The following SYT6 variants were observed in gnomAD, a reference collection of about 807,000 sequenced individuals.
The protein encoded by SYT6 is synaptotagmin-6.
SYT6 carries 24 observed loss-of-function variants against 38.4 expected under a neutral mutation model. The ratio of observed to expected loss-of-function variants is 0.62; its 90% confidence interval spans 0.45 to 0.88. SYT6 has a LOEUF of 0.88. Ranked by LOEUF, SYT6 falls within the 40% of genes least tolerant of loss-of-function variation. The pLI, the probability that SYT6 is intolerant of heterozygous loss-of-function variation, is 0.00. For missense variants in SYT6, 611 were observed against 621.0 expected (o/e 0.98, Z 0.17); for synonymous variants, 265 against 241.9 (o/e 1.10, Z -0.89).
intron 3 of SYT6, among the ~76,000 whole-genome samples, chr1:114,122,283 C>T (rs12027327): frequency 0.45 from 68,494 of 152,052 alleles, 15,664 homozygotes; most frequent in East Asian, 0.57. Flanking sequence ...TATTCCTAAG[C>T]GCATCATCTT....
At position 114,137,842 on chromosome 1, in the gene SYT6, C is replaced by T. The variant is rs564717037; in HGVS notation, c.724G>A (p.Glu242Lys). The T allele has an allele frequency of 1.9e-5, 30 of 1,613,984 alleles. 1 individual carries two copies. The South Asian group carries it at 2.1e-4, about 11-fold the overall frequency. Reference protein sequence around the residue: ...KINFSLRYDYETETLIVRILK... With the variant: ...KINFSLRYDYKTETLIVRILK... Reference sequence around the variant, plus strand: ...ATACGCACAATCAGGGTCTCGGTCTCGTAATCGTAGCGTAGGCTGAAGTTG... The same window carrying T: ...ATACGCACAATCAGGGTCTCGGTCTTGTAATCGTAGCGTAGGCTGAAGTTG... The change falls in exon 3 of 8, where the codon GAG becomes AAG. Residue 242 changes from glutamate (E) to lysine (K), a missense_variant. Glu to Lys is a moderately conservative substitution (Grantham distance 56, BLOSUM62 1). Transcript: ENST00000610222.
At chr1:114,136,389 A>C (rs1678485643) in intron 3 of SYT6, among the ~76,000 whole-genome samples, 1 of 152,216 alleles carries the variant, frequency 6.6e-6, no homozygotes, top group Non-Finnish European at 1.5e-5. Flanking sequence ...TTAGCACTCA[A>C]GAGAGCAGAT....
intron 1 of SYT6, among the ~76,000 whole-genome samples, chr1:114,153,377 G>T (rs1446294795): frequency 6.6e-6 from 1 of 152,226 alleles, no homozygotes; most frequent in Non-Finnish European, 1.5e-5. Context: ...CCCGCATTCC[G>T]CAGTAGTAAT....
intron 3 of SYT6, among the ~76,000 whole-genome samples, chr1:114,131,705 A>G (rs371489033): frequency 2.0e-5 from 3 of 152,348 alleles, no homozygotes; most frequent in East Asian, 3.9e-4. Flanking sequence ...CAAGTGCCCA[A>G]TGATGCACTG....
chr1:114,151,920 A>G (rs1175652384), intron 1 of SYT6, among the ~76,000 whole-genome samples: 2 of 152,158 alleles, frequency 1.3e-5, no homozygotes, highest in East Asian at 1.9e-4. Context: ...ACCACCCTCT[A>G]AAAGTTCTTT....
At chr1:114,142,888 G>T (rs1057139726) in intron 1 of SYT6, among the ~76,000 whole-genome samples, 1 of 152,058 alleles carries the variant, frequency 6.6e-6, no homozygotes, top group South Asian at 2.1e-4. Context: ...GTTTTTGGGT[G>T]TAATTTTATT....
chr1:114,153,236 C>G (rs1025558357), intron 1 of SYT6, among the ~76,000 whole-genome samples: 3 of 152,212 alleles, frequency 2.0e-5, no homozygotes, highest in African/African-American at 7.2e-5. Flanking sequence ...CTCAGCCGGG[C>G]GCCCCTCGTC....
chr1:114,115,422 C>CT (rs34938214), intron 3 of SYT6, among the ~76,000 whole-genome samples: 14,607 of 141,840 alleles, frequency 0.1, 891 homozygotes, highest in Non-Finnish European at 0.15. Flanking sequence ...GTACTTAACA[C>CT]TTTTTTTTTT....
intron 4 of SYT6, among the ~76,000 whole-genome samples, chr1:114,100,988 TTGTCCCATGGGCCACTGAGCAAA>T (rs1675937407): frequency 6.6e-6 from 1 of 152,164 alleles, no homozygotes; most frequent in Admixed American, 6.5e-5. Context: ...GCAGAGCCAC[TTGTCCCATGGGCCACTGAGCAAA>T]TGTCTTAGCA....
At chr1:114,120,070 C>A (rs78568431) in intron 3 of SYT6, among the ~76,000 whole-genome samples, 699 of 121,386 alleles carry the variant, frequency 5.8e-3, no homozygotes, top group Non-Finnish European at 6.4e-3. Flanking sequence ...GACTCTGTCT[C>A]AAAAAAAAAA....
In SYT6 at chr1:114,091,441, A is replaced by G. The variant is rs1306749771; in HGVS notation, c.*693T>C. 6.6e-6 allele frequency: 1 copy of G among 152,382 alleles called. No individual in the cohort carries two copies. Among genetic ancestry groups the G allele is most frequent in the Non-Finnish European group, 1.5e-5 (1 of 68,046 alleles). The allele number at this position is 152,382 out of a possible 1,614,324, so 9.4% of individuals were successfully genotyped here. A position where few individuals can be genotyped will look rare whatever the true frequency, so the allele number is the denominator to read the frequency against. ...CCTGCACATCAGCTGAAGGCTCACA[A>G]GCGCCTCAGAGGTCTTGTGATTTCA... On this transcript the variant is annotated 3_prime_UTR_variant, in exon 8 of 8. Coordinates refer to ENST00000610222, the MANE Select transcript of SYT6 (RefSeq NM_001253772.2).
intron 3 of SYT6, among the ~76,000 whole-genome samples, chr1:114,127,270 C>T (rs1677800902): frequency 6.6e-6 from 1 of 152,208 alleles, no homozygotes; most frequent in African/African-American, 2.4e-5. Context: ...GTGGAAGGGG[C>T]CTGCTGCTGC....
At chr1:114,134,437 A>C (rs1678358858) in intron 3 of SYT6, among the ~76,000 whole-genome samples, 1 of 152,228 alleles carries the variant, frequency 6.6e-6, no homozygotes. Context: ...CTGGGTTCTT[A>C]CACTCAGCCC....
chr1:114,135,154 C>G (rs1378732256), intron 3 of SYT6, among the ~76,000 whole-genome samples: 2 of 152,042 alleles, frequency 1.3e-5, no homozygotes, highest in East Asian at 3.9e-4. Flanking sequence ...GGGTGGGGCT[C>G]TGCAGCTTGG....
rs558514675 is a variant in SYT6 at position 114,138,744 on chromosome 1, T to C, written c.513-691A>G. 1.1e-4 allele frequency among the ~76,000 whole-genome samples: 16 copies of C among 152,370 alleles called. No individual in the cohort carries two copies. The South Asian group carries it at 2.5e-3, about 24-fold the overall frequency. On this transcript the variant is annotated intron_variant, in intron 2 of 7. Coordinates refer to ENST00000610222, the MANE Select transcript of SYT6 (RefSeq NM_001253772.2). ...GTGTTAGCTCTCCTTATCAATCACA[T>C]TGATTCTTCCATTGGCTCCTCACAA...
Position 114,153,800 on chromosome 1 carries a change from G to C in SYT6, c.-28C>G. On this transcript the variant is annotated 5_prime_UTR_variant, in exon 1 of 8. Coordinates refer to ENST00000610222, the MANE Select transcript of SYT6 (RefSeq NM_001253772.2). ...CCTAGACACCCAGGCTTGCCGAGCA[G>C]CAGCTCGAACCCGCGCCCCGGCCGC... 1.6e-6 allele frequency: 1 copy of C among 635,572 alleles called. No individual in the cohort carries two copies. Among genetic ancestry groups the C allele is most frequent in the South Asian group, 1.7e-5 (1 of 58,418 alleles). The allele number at this position is 635,572 out of a possible 1,614,324, so 39.4% of individuals were successfully genotyped here. A position where few individuals can be genotyped will look rare whatever the true frequency, so the allele number is the denominator to read the frequency against.
intron 3 of SYT6, among the ~76,000 whole-genome samples, chr1:114,130,992 G>A (rs962670139): frequency 1.3e-5 from 2 of 152,134 alleles, no homozygotes; most frequent in Admixed American, 1.3e-4. Flanking sequence ...GCCACTCTGG[G>A]ATCTCATTCG....
At chr1:114,122,856 A>G (rs1249365734) in intron 3 of SYT6, among the ~76,000 whole-genome samples, 1 of 141,430 alleles carries the variant, frequency 7.1e-6, no homozygotes, top group African/African-American at 2.6e-5. Context: ...CAGCAGCACC[A>G]AGAAAGGTTG....
intron 3 of SYT6, among the ~76,000 whole-genome samples, chr1:114,132,907 C>G (rs999835859): frequency 3.3e-5 from 5 of 152,120 alleles, no homozygotes; most frequent in Non-Finnish European, 7.3e-5. Context: ...TAGATAATGT[C>G]CCAAGGTTTT....
Sources: allele counts gnomAD v4.1 joint callset (sites outside exome capture counted in the v4.1 genomes callset), GRCh38; gene constraint gnomAD v4.1.1; transcripts MANE v1.5; gene names NCBI Gene and HGNC (gene_info 2026-07-23, HGNC 2026-07-21).